CLEC16A: variants seen among roughly 807,000 people sequenced by gnomAD.
CLEC16A encodes protein CLEC16A.
A neutral mutation model predicts 109.5 loss-of-function variants in CLEC16A; 51 were observed. The observed-to-expected ratio is 0.47, with a 90% CI of 0.37 to 0.59. CLEC16A has a LOEUF of 0.59. Ranked by LOEUF, CLEC16A falls within the 20% of genes least tolerant of loss-of-function variation. CLEC16A has a pLI of 0.00. For missense variants in CLEC16A, 1,339 were observed against 1,394.0 expected (o/e 0.96, Z 0.63); for synonymous variants, 673 against 564.2 (o/e 1.19, Z -2.73).
At chr16:10,956,984 A>T (rs2042019536) in intron 1 of CLEC16A, among the ~76,000 whole-genome samples, 1 of 152,048 alleles carries the variant, frequency 6.6e-6, no homozygotes, top group African/African-American at 2.4e-5. Context: ...TTTAGTAGAG[A>T]CAGGGTTTCG....
At chr16:10,955,954 G>A (rs948621944) in intron 1 of CLEC16A, among the ~76,000 whole-genome samples, 2 of 152,232 alleles carry the variant, frequency 1.3e-5, no homozygotes, top group African/African-American at 4.8e-5. Context: ...GATGCAGGAT[G>A]CCTGGGAACT....
chr16:11,024,862 A>G lies in CLEC16A; in HGVS notation c.1478A>G (p.Asp493Gly), dbSNP rs575946986. Residue 493 changes from aspartate to glycine, a missense_variant, in exon 13 of 24, where the codon GAT becomes GGT. Physicochemically the swap from Asp to Gly is moderately conservative, Grantham distance 94. This residue lies in a region of CLEC16A where 1,061 missense variants were observed against 1,006.8 expected (regional missense o/e 1.05). Transcript: ENST00000409790. ...DMVYHALDSP[D>G]DDYHALFVLC... Reference sequence around the variant, plus strand: ...GTGTACCACGCGCTGGACAGCCCGGATGATGATTACCATGCCCTGTTCGTG... The same window carrying G: ...GTGTACCACGCGCTGGACAGCCCGGGTGATGATTACCATGCCCTGTTCGTG... 9.3e-6 allele frequency: 15 copies of G among 1,609,782 alleles called. No homozygotes were observed. The East Asian group carries it at 2.0e-4, about 22-fold the overall frequency.
chr16:11,179,629 G>A lies in CLEC16A; in HGVS notation c.*939G>A, dbSNP rs1443912206. The A allele has an allele frequency of 6.6e-6, 1 of 152,234 alleles. No homozygotes were observed. Among genetic ancestry groups the A allele is most frequent in the East Asian group, 1.9e-4 (1 of 5,200 alleles). The allele number at this position is 152,234 out of a possible 1,614,324, so 9.4% of individuals were successfully genotyped here. A position where few individuals can be genotyped will look rare whatever the true frequency, so the allele number is the denominator to read the frequency against. On this transcript the variant is annotated 3_prime_UTR_variant, in exon 24 of 24. Coordinates refer to ENST00000409790, the MANE Select transcript of CLEC16A (RefSeq NM_015226.3). ...CCTTCTTCAGTGTTACCATCTCTAA[G>A]AAGGAACCAGTTGGGACCGTGAAGA...
intron 11 of CLEC16A, among the ~76,000 whole-genome samples, chr16:11,018,403 T>A (rs763005116): frequency 7.9e-5 from 12 of 151,530 alleles, no homozygotes; most frequent in Non-Finnish European, 1.6e-4. Context: ...AGGAGAGACC[T>A]GGTGTGAGAG....
rs1287375513 is a variant in CLEC16A at position 11,174,539 on chromosome 16, C to A, written c.2807-3796C>A. Among the ~76,000 whole-genome samples the A allele has an allele frequency of 8.5e-5, 13 of 152,372 alleles. No homozygotes were observed. In the East Asian group the frequency reaches 2.5e-3, roughly 29 times the overall value. ...TCGCGACAGTCCTTCTGAGCCAGAC[C>A]TGTACAGCCTGGAAACGCTGTCCTT... On this transcript the variant is annotated intron_variant, in intron 23 of 23. Coordinates refer to ENST00000409790, the MANE Select transcript of CLEC16A (RefSeq NM_015226.3). The surrounding 1 kb of genome is among the most constrained non-coding windows in gnomAD (Gnocchi z 4.7).
At position 11,003,243 on chromosome 16, in the gene CLEC16A, C is replaced by G; in HGVS notation, c.1241C>G (p.Ala414Gly). The change falls in exon 11 of 24, where the codon GCC (alanine) becomes GGC (glycine). Residue 414 changes from alanine to glycine, a missense_variant. By Grantham distance (60) the Ala-to-Gly change is moderately conservative. Coordinates refer to ENST00000409790, the MANE Select transcript of CLEC16A (RefSeq NM_015226.3). Reference sequence around the variant, plus strand: ...CCCACCGAGGATGCCCAAGAAGACGCCGAGAAGGCTAAAGGTACAGAGGGT... The same window carrying G: ...CCCACCGAGGATGCCCAAGAAGACGGCGAGAAGGCTAAAGGTACAGAGGGT... ...KGPTEDAQEDAEKAKGTEGGS... is the reference protein window; with the variant it reads ...KGPTEDAQEDGEKAKGTEGGS... 1.2e-6 allele frequency: 2 copies of G among 1,613,102 alleles called. No individual in the cohort carries two copies. Among genetic ancestry groups the G allele is most frequent in the Non-Finnish European group, 1.7e-6 (2 of 1,179,804 alleles).
At chr16:11,089,689 A>G (rs1248251578) in intron 19 of CLEC16A, among the ~76,000 whole-genome samples, 1 of 152,174 alleles carries the variant, frequency 6.6e-6, no homozygotes. Context: ...CCTGGTCAGA[A>G]GTGGCTATGG....
intron 10 of CLEC16A, among the ~76,000 whole-genome samples, chr16:10,986,593 G>C (rs1271727453): frequency 6.6e-6 from 1 of 152,094 alleles, no homozygotes; most frequent in African/African-American, 2.4e-5. Context: ...CTCTGCATGA[G>C]TTTGACAATT....
At chr16:10,966,490 T>A (rs1218481423) in intron 3 of CLEC16A, among the ~76,000 whole-genome samples, 2 of 152,216 alleles carry the variant, frequency 1.3e-5, no homozygotes, top group Non-Finnish European at 2.9e-5. Context: ...TTACACCGTG[T>A]GTATATGTAA....
chr16:11,116,716 G>A (rs1201560479), intron 19 of CLEC16A, among the ~76,000 whole-genome samples: 1 of 152,166 alleles, frequency 6.6e-6, no homozygotes, highest in Non-Finnish European at 1.5e-5. Flanking sequence ...GAATGCATGA[G>A]CCCAGTTTGT....
At chr16:10,987,721 G>A (rs1159232376) in intron 10 of CLEC16A, among the ~76,000 whole-genome samples, 2 of 152,198 alleles carry the variant, frequency 1.3e-5, no homozygotes, top group African/African-American at 4.8e-5. Context: ...GTCCTGGTAC[G>A]ATTTACCTTC....
chr16:10,959,014 G>GGTGTGT (rs59658260), intron 2 of CLEC16A, among the ~76,000 whole-genome samples: 13,172 of 146,196 alleles, frequency 0.09, 597 homozygotes, highest in African/African-American at 0.11. Flanking sequence ...ACTAAACACG[G>GGTGTGT]GTGTGTGTGT....
At chr16:11,068,721 G>A (rs374024590) in intron 19 of CLEC16A, among the ~76,000 whole-genome samples, 12 of 152,200 alleles carry the variant, frequency 7.9e-5, no homozygotes, top group African/African-American at 2.4e-4. Context: ...AGCCTCTGCC[G>A]CAAAATACAG....
At chr16:11,162,743 A>T in intron 22 of CLEC16A, among the ~76,000 whole-genome samples, 1 of 152,150 alleles carries the variant, frequency 6.6e-6, no homozygotes. Context: ...ATCTAGAGGG[A>T]TTAGAATTCA....
At chr16:11,003,331 T>C (rs979380788) in intron 11 of CLEC16A, 26 bp downstream of exon 11, 3 of 1,589,098 alleles carry the variant, frequency 1.9e-6, no homozygotes, top group African/African-American at 1.3e-5. Flanking sequence ...AACGCCGCCC[T>C]GTGCCTGCGC....
In CLEC16A at chr16:11,008,224, A is replaced by G. The variant is rs185743412; in HGVS notation, c.1303+4919A>G. Among the ~76,000 whole-genome samples the G allele has an allele frequency of 8.5e-4, 130 of 152,248 alleles. 5 individuals are homozygous for G. Among genetic ancestry groups the G allele is most frequent in the Admixed American group, 7.7e-3 (117 of 15,294 alleles). ...TTGAAGGTCTTATTCCCCTCTTGCCATCTTTTTTCAGTCTGTCCTTGCTGT... is the reference window on the plus strand; with the variant it reads ...TTGAAGGTCTTATTCCCCTCTTGCCGTCTTTTTTCAGTCTGTCCTTGCTGT... On this transcript the variant is annotated intron_variant, in intron 11 of 23. Transcript: ENST00000409790.
intron 19 of CLEC16A, among the ~76,000 whole-genome samples, chr16:11,078,949 T>G (rs1217422238): frequency 6.6e-6 from 1 of 152,196 alleles, no homozygotes; most frequent in Admixed American, 6.5e-5. Context: ...TTGCATACAG[T>G]GTGCCTCTAC....
At chr16:11,065,063 T>C (rs1400358256) in intron 19 of CLEC16A, among the ~76,000 whole-genome samples, 3 of 152,172 alleles carry the variant, frequency 2.0e-5, no homozygotes, top group African/African-American at 4.8e-5. Flanking sequence ...AAGAAAGATA[T>C]AGCTCTGGCT....
In CLEC16A at chr16:11,126,125, G is replaced by A. The variant is rs1436144006; in HGVS notation, c.2620G>A (p.Ala874Thr). ...CCCCACAGTGCAGCGCTCCGTGTTT[G>A]CATCGGTGGACAAGGTGCCAGGTGA... ...SDPTVQRSVF[A>T]SVDKVPGFAV... The change falls in exon 22 of 24, where the codon GCA (alanine) becomes ACA (threonine). Residue 874 changes from alanine to threonine, a missense_variant. Transcript: ENST00000409790. The A allele has an allele frequency of 6.2e-7, 1 of 1,613,800 alleles. No individual in the cohort carries two copies. The highest frequency in any genetic ancestry group is 1.1e-5 in the South Asian group (1 of 91,056).
Sources: gnomAD v4.1 joint callset for allele counts (sites outside exome capture counted in the v4.1 genomes callset) on GRCh38, gnomAD v4.1.1 for gene constraint, gnomAD v4.1.1 regional missense constraint, Gnocchi (gnomAD v3.1) non-coding constraint, MANE v1.5 for transcripts, NCBI Gene and HGNC (gene_info 2026-07-23, HGNC 2026-07-21) for gene names.